NRG1: variants seen among roughly 807,000 people sequenced by gnomAD.
The protein encoded by NRG1 is pro-neuregulin-1, membrane-bound isoform.
Under a neutral mutation model 63.8 loss-of-function variants are expected in NRG1, and 18 were observed. That is an observed-to-expected ratio of 0.28 (90% CI 0.19 to 0.42). The LOEUF is 0.42. Among genes scored for constraint, NRG1 ranks in the 10% least tolerant of loss-of-function variants. The pLI is 1.00. For missense variants in NRG1, 762 were observed against 814.7 expected (o/e 0.94, Z 0.79); for synonymous variants, 302 against 301.3 (o/e 1.00, Z -0.02).
rs909094764 is a variant in NRG1 at position 31,999,494 on chromosome 8, G to A, written c.37+360063G>A. On this transcript the variant is annotated intron_variant, in intron 1 of 10. Transcript: ENST00000519301. Reference sequence around the variant, plus strand: ...AAAGATGTACTAACTGAAAACTTTAGTTCATGTAATATGCCCGGCATTCAC... The same window carrying A: ...AAAGATGTACTAACTGAAAACTTTAATTCATGTAATATGCCCGGCATTCAC... 5.5e-4 allele frequency among the ~76,000 whole-genome samples: 84 copies of A among 151,992 alleles called. 1 individual carries two copies. Among genetic ancestry groups the A allele is most frequent in the Non-Finnish European group, 1.8e-4 (12 of 67,946 alleles).
At chr8:32,321,279 G>A (rs1356014888) in intron 1 of NRG1, among the ~76,000 whole-genome samples, 2 of 152,146 alleles carry the variant, frequency 1.3e-5, no homozygotes, top group East Asian at 3.9e-4. Context: ...ACTATAACTT[G>A]TCTTACTCCC....
chr8:32,158,635 C>T (rs79008058), intron 1 of NRG1, among the ~76,000 whole-genome samples: 8,721 of 151,402 alleles, frequency 0.058, 437 homozygotes, highest in African/African-American at 0.13. Context: ...ACCACAAACA[C>T]ATACATACAC....
chr8:31,921,266 G>C (rs1833889998), intron 1 of NRG1, among the ~76,000 whole-genome samples: 1 of 152,056 alleles, frequency 6.6e-6, no homozygotes, highest in African/African-American at 2.4e-5. Context: ...AATCAAATTT[G>C]TCTAGCTTAT....
At chr8:32,579,225 A>G (rs1168227703) in intron 1 of NRG1, among the ~76,000 whole-genome samples, 1 of 74,706 alleles carries the variant, frequency 1.3e-5, no homozygotes, top group Admixed American at 2.0e-4. Flanking sequence ...TTTGGATACT[A>G]TTGCCACTGG....
chr8:32,147,447 G>A (rs1563839649), intron 1 of NRG1, among the ~76,000 whole-genome samples: 1 of 152,140 alleles, frequency 6.6e-6, no homozygotes, highest in Non-Finnish European at 1.5e-5. Context: ...AAAATGTATA[G>A]GTGTATTGAT....
At chr8:32,562,056 T>G (rs2129527110) in intron 1 of NRG1, among the ~76,000 whole-genome samples, 1 of 152,228 alleles carries the variant, frequency 6.6e-6, no homozygotes, top group South Asian at 2.1e-4. Flanking sequence ...CTCTACAGAT[T>G]ATAGCAGGGA....
intron 1 of NRG1, among the ~76,000 whole-genome samples, chr8:32,087,920 T>C (rs1194912231): frequency 6.6e-6 from 1 of 152,212 alleles, no homozygotes; most frequent in Non-Finnish European, 1.5e-5. Flanking sequence ...ATAACTGTTC[T>C]AAGACTTAGC....
intron 1 of NRG1, among the ~76,000 whole-genome samples, chr8:31,688,002 C>T (rs1809081257): frequency 1.3e-5 from 2 of 152,326 alleles, no homozygotes; most frequent in African/African-American, 2.4e-5. Context: ...GAGGATTGGT[C>T]TTGATGGTGT....
At chr8:32,529,671 C>A (rs186431361) in intron 1 of NRG1, among the ~76,000 whole-genome samples, 203 of 152,204 alleles carry the variant, frequency 1.3e-3, no homozygotes, top group Non-Finnish European at 2.1e-3. Flanking sequence ...ATTAAACACA[C>A]ACACACATTA....
At chr8:31,696,823 C>T (rs1264836870) in intron 1 of NRG1, among the ~76,000 whole-genome samples, 12 of 152,180 alleles carry the variant, frequency 7.9e-5, no homozygotes. Context: ...GGGGTCCTTT[C>T]ATTATTCTAC....
chr8:31,996,809 G>A (rs1161806438), intron 1 of NRG1, among the ~76,000 whole-genome samples: 1 of 151,874 alleles, frequency 6.6e-6, no homozygotes, highest in Non-Finnish European at 1.5e-5. Context: ...AGGGTTGGTT[G>A]GATTGATTTG....
At chr8:32,607,780 CT>C (rs1053605127) in intron 3 of NRG1, among the ~76,000 whole-genome samples, 4 of 151,986 alleles carry the variant, frequency 2.6e-5, no homozygotes, top group African/African-American at 7.2e-5. Context: ...TCTTTTTTAC[CT>C]GGCAAGAATA....
At chr8:31,846,621 A>G (rs1270339220) in intron 1 of NRG1, among the ~76,000 whole-genome samples, 1 of 152,192 alleles carries the variant, frequency 6.6e-6, no homozygotes, top group African/African-American at 2.4e-5. Context: ...TTGTTTGCAA[A>G]TAACTGGAAC....
intron 1 of NRG1, among the ~76,000 whole-genome samples, chr8:32,232,876 A>G (rs1054290168): frequency 5.9e-5 from 9 of 152,046 alleles, no homozygotes; most frequent in Non-Finnish European, 1.2e-4. Context: ...ACTGTTATCT[A>G]TTCTCTTTAT....
chr8:32,353,807 C>A (rs1805969321), intron 1 of NRG1, among the ~76,000 whole-genome samples: 1 of 152,166 alleles, frequency 6.6e-6, no homozygotes, highest in South Asian at 2.1e-4. Flanking sequence ...GCCAGCCAGT[C>A]CACTCCTGGG....
chr8:31,891,819 G>GA (rs1242648741), intron 1 of NRG1, among the ~76,000 whole-genome samples: 1 of 152,134 alleles, frequency 6.6e-6, no homozygotes, highest in African/African-American at 2.4e-5. Context: ...CAATAAAATA[G>GA]AACAGGCATG....
intron 1 of NRG1, among the ~76,000 whole-genome samples, chr8:32,455,907 G>A (rs1241223544): frequency 6.6e-6 from 1 of 152,184 alleles, no homozygotes; most frequent in Admixed American, 6.5e-5. Flanking sequence ...CTCAGCCTCT[G>A]AGTAGCTGGG....
At chr8:32,773,810 G>T (rs11780123) in intron 7 of NRG1, among the ~76,000 whole-genome samples, 1 of 151,884 alleles carries the variant, frequency 6.6e-6, no homozygotes, top group South Asian at 2.1e-4. Flanking sequence ...GACATAGGAG[G>T]CCCTTCACAA....
chr8:31,753,389 T>A (rs1277409846), intron 1 of NRG1, among the ~76,000 whole-genome samples: 2 of 151,280 alleles, frequency 1.3e-5, no homozygotes, highest in Non-Finnish European at 1.5e-5. Flanking sequence ...CCTCCCAACA[T>A]GTATGCAGCT....
Sources: gnomAD v4.1 joint callset for allele counts (sites outside exome capture counted in the v4.1 genomes callset) on GRCh38, gnomAD v4.1.1 for gene constraint, MANE v1.5 for transcripts, NCBI Gene and HGNC (gene_info 2026-07-23, HGNC 2026-07-21) for gene names.